The following TEK variants were observed in gnomAD, a reference collection of about 807,000 sequenced individuals.
TEK encodes TEK receptor tyrosine kinase, also known as angiopoietin-1 receptor.
TEK carries 43 observed loss-of-function variants against 131.8 expected under a neutral mutation model. The ratio of observed to expected loss-of-function variants is 0.33; its 90% CI spans 0.26 to 0.42. TEK has a LOEUF of 0.42. Ranked by LOEUF, TEK falls within the 10% of genes least tolerant of loss-of-function variation. The probability of loss-of-function intolerance (pLI) is 1.00; values close to 1 mark genes in which losing one functional copy is unlikely to be tolerated. For missense variants in TEK, 1,162 were observed against 1,384.4 expected, an observed-to-expected ratio of 0.84 and a Z score of 2.55; for synonymous variants, 580 against 491.6, an observed-to-expected ratio of 1.18 and a Z score of -2.38.
In TEK at chr9:27,174,718, C is replaced by T. The variant is rs1824098582; in HGVS notation, c.901+1356C>T. Among the ~76,000 whole-genome samples, 7 of 152,128 alleles carry T rather than the reference C, an allele frequency of 4.6e-5. 1 individual carries two copies. The South Asian group carries it at 1.5e-3, about 32-fold the overall frequency. ...ATTCAGTTCCCTCTAAATGCTATGT[C>T]TGCCCCCCGGAACATGCAGTGAGCC... On this transcript the variant is annotated intron_variant, in intron 6 of 22. Transcript: ENST00000380036.
intron 1 of TEK, among the ~76,000 whole-genome samples, chr9:27,112,552 G>A (rs627745): frequency 0.66 from 100,311 of 152,014 alleles, 34,340 homozygotes; most frequent in Middle Eastern, 0.8. Flanking sequence ...TCTCCAGGAG[G>A]GAAGGAGTCT....
chr9:27,145,253 G>A (rs750940330), intron 1 of TEK, among the ~76,000 whole-genome samples: 1 of 152,164 alleles, frequency 6.6e-6, no homozygotes, highest in Non-Finnish European at 1.5e-5. Context: ...GGTCAGCCCT[G>A]TAAAAAAGGG....
chr9:27,168,671 A>C, intron 3 of TEK, 66 bp downstream of exon 3: 2 of 1,197,534 alleles, frequency 1.7e-6, no homozygotes, highest in Non-Finnish European at 2.4e-6. Context: ...CAACATATTG[A>C]ATCATTTTCC....
intron 11 of TEK, among the ~76,000 whole-genome samples, chr9:27,196,921 GT>G (rs1825044585): frequency 6.6e-6 from 1 of 151,682 alleles, no homozygotes; most frequent in Non-Finnish European, 1.5e-5. Flanking sequence ...GTGCAGGTTA[GT>G]TACATATGTA....
intron 1 of TEK, among the ~76,000 whole-genome samples, chr9:27,130,845 C>T (rs1478197726): frequency 6.6e-6 from 1 of 151,086 alleles, no homozygotes; most frequent in Non-Finnish European, 1.5e-5. Flanking sequence ...GGATTACAGG[C>T]GTGAGCCACC....
intron 12 of TEK, among the ~76,000 whole-genome samples, chr9:27,201,658 T>G (rs1020166687): frequency 3.3e-5 from 5 of 152,104 alleles, no homozygotes; most frequent in African/African-American, 9.7e-5. Flanking sequence ...CACAGTCCCC[T>G]AAAGAGTAAC....
rs1273112961 is a variant in TEK, at chr9:27,218,945, T to TAGA, written c.3103+130_3103+132dup. On this transcript the variant is annotated intron_variant, in intron 20 of 22. Transcript: ENST00000380036. ...GGTTCTACCAGATGTGACTTGGAAA[T>TAGA]AGAAACATAGTGTATTAATTCCCAT... 2.4e-5 allele frequency: 22 copies of TAGA among 927,786 alleles called. No homozygotes were observed. The East Asian group carries it at 2.8e-4, about 12-fold the overall frequency. 57.5% of individuals were successfully genotyped at this position (927,786 alleles called of 1,614,324 possible).
intron 10 of TEK, among the ~76,000 whole-genome samples, chr9:27,192,173 TC>T (rs1824846515): frequency 6.6e-6 from 1 of 152,146 alleles, no homozygotes; most frequent in South Asian, 2.1e-4. Context: ...AATTGAGTAT[TC>T]CCCCAATCTG....
chr9:27,194,474 T>G (rs532431430), intron 11 of TEK, among the ~76,000 whole-genome samples: 1 of 152,006 alleles, frequency 6.6e-6, no homozygotes, highest in African/African-American at 2.4e-5. Flanking sequence ...ACCCAGAAAC[T>G]ATATAGAGAG....
chr9:27,169,466 C>G lies in TEK; in HGVS notation c.476-11C>G, dbSNP rs1823868424. On this transcript the variant is annotated splice_polypyrimidine_tract_variant and intron_variant, in intron 3 of 22. Coordinates refer to ENST00000380036, the MANE Select transcript of TEK (RefSeq NM_000459.5). ...TGTGACCTACGGTTCTTCACTCTTC[C>G]CTCTTACTAGGTTCCTTCATCCATT... The G allele has an allele frequency of 6.2e-7, 1 of 1,613,592 alleles. No homozygotes were observed. The highest frequency in any genetic ancestry group is 1.1e-5 in the South Asian group (1 of 91,062).
intron 1 of TEK, among the ~76,000 whole-genome samples, chr9:27,151,456 A>G (rs1484811049): frequency 1.3e-5 from 2 of 152,102 alleles, no homozygotes; most frequent in Non-Finnish European, 2.9e-5. Context: ...ATGAGTAACT[A>G]CTGCTCAGTA....
chr9:27,181,217 T>C (rs1220902430), intron 7 of TEK, among the ~76,000 whole-genome samples: 1 of 152,192 alleles, frequency 6.6e-6, no homozygotes, highest in Non-Finnish European at 1.5e-5. Flanking sequence ...ACCAATAACA[T>C]AGTCAATTAA....
chr9:27,203,230 T>C lies in TEK; in HGVS notation c.2209+111T>C, dbSNP rs1223646367. ...AGCCTATGAAAAGTCGGTGGTTGAA[T>C]GGACAGGCATTTACAGAGAGGTCCT... is the stretch of plus-strand genomic sequence containing the variant. On this transcript the variant is annotated intron_variant, in intron 13 of 22. Coordinates refer to ENST00000380036, the MANE Select transcript of TEK (RefSeq NM_000459.5). The C allele has an allele frequency of 3.4e-6, 4 of 1,190,700 alleles. No homozygotes were observed. In the East Asian group the frequency reaches 9.5e-5, roughly 28 times the overall value. The allele number at this position is 1,190,700 out of a possible 1,614,324, so 73.8% of individuals were successfully genotyped here. A position where few individuals can be genotyped will look rare whatever the true frequency, so the allele number is the denominator to read the frequency against.
At chr9:27,211,861 T>G (rs1280347787) in intron 16 of TEK, among the ~76,000 whole-genome samples, 1 of 69,998 alleles carries the variant, frequency 1.4e-5, no homozygotes, top group East Asian at 1.1e-3. Flanking sequence ...TAACTTTACA[T>G]TTTTAGTAGG....
At position 27,112,854 on chromosome 9, in the gene TEK, A is replaced by G. The variant is rs149147715; in HGVS notation, c.52+3212A>G. On this transcript the variant is annotated intron_variant, in intron 1 of 22. Coordinates refer to ENST00000380036, the MANE Select transcript of TEK (RefSeq NM_000459.5). ...TTTGGGTTCAAGAAATAAGTTATGT[A>G]TATTTAATGTGGGAGAGACCTGGTT... 4.1e-3 allele frequency among the ~76,000 whole-genome samples: 622 copies of G among 152,368 alleles called. 3 individuals carry two copies. The highest frequency in any genetic ancestry group is 0.014 in the African/African-American group (595 of 41,590).
At chr9:27,124,753 T>G (rs868703881) in intron 1 of TEK, among the ~76,000 whole-genome samples, 21 of 152,220 alleles carry the variant, frequency 1.4e-4, no homozygotes, top group African/African-American at 3.6e-4. Flanking sequence ...AGCAAGTAAT[T>G]CAGGTAGTTC....
chr9:27,211,205 A>ATATATATGTG (rs1491288224), intron 16 of TEK, among the ~76,000 whole-genome samples: 1 of 5,266 alleles, frequency 1.9e-4, no homozygotes, highest in Non-Finnish European at 3.6e-4. Context: ...ATATATATGA[A>ATATATATGTG]TATATGTGTA....
intron 1 of TEK, among the ~76,000 whole-genome samples, chr9:27,131,654 A>AT (rs1216109573): frequency 2.0e-5 from 3 of 151,604 alleles, no homozygotes; most frequent in Admixed American, 6.6e-5. Flanking sequence ...TTAAAAAAAA[A>AT]AAAAAAATTA....
chr9:27,227,817 A>G (rs964873172), intron 21 of TEK, among the ~76,000 whole-genome samples: 1 of 152,212 alleles, frequency 6.6e-6, no homozygotes, highest in Non-Finnish European at 1.5e-5. Flanking sequence ...CAGTGCTTCT[A>G]AAAGTCCTGC....
Sources: allele counts gnomAD v4.1 joint callset (sites outside exome capture counted in the v4.1 genomes callset), GRCh38; gene constraint gnomAD v4.1.1; transcripts MANE v1.5; gene names NCBI Gene and HGNC (gene_info 2026-07-23, HGNC 2026-07-21).